Variants in DLG2 observed in about 807,000 individuals in gnomAD.
DLG2 encodes discs large MAGUK scaffold protein 2, also known as disks large homolog 2.
DLG2 carries 45 observed loss-of-function variants against 132.5 expected under a neutral mutation model. That is an observed-to-expected ratio of 0.34 (90% confidence interval 0.27 to 0.44). DLG2 has a LOEUF of 0.44. DLG2 is among the 20% of genes least tolerant of loss of function. The pLI is 1.00. For synonymous variants in DLG2, 424 were observed against 419.6 expected, an observed-to-expected ratio of 1.01 and a Z score of -0.13; for missense variants, 1,045 against 1,196.9, an observed-to-expected ratio of 0.87 and a Z score of 1.87.
At position 83,883,091 on chromosome 11, in the gene DLG2, T is replaced by C. The variant is rs116178616; in HGVS notation, c.1497-8603A>G. ...TTGATTTCTTAATTGCCCACAATTT[T>C]AACTTTAAACAAATTATCATTAGTA... On this transcript the variant is annotated intron_variant, in intron 15 of 27. Coordinates refer to ENST00000376104, the MANE Select transcript of DLG2 (RefSeq NM_001142699.3). Among the ~76,000 whole-genome samples, 1,224 of 152,354 alleles carry C rather than the reference T, an allele frequency of 8.0e-3. 9 individuals are homozygous for C. The highest frequency in any genetic ancestry group is 0.021 in the African/African-American group (879 of 41,572).
At chr11:83,831,508 CTGTG>C (rs753506616) in intron 17 of DLG2, among the ~76,000 whole-genome samples, 1 of 148,746 alleles carries the variant, frequency 6.7e-6, no homozygotes, top group Non-Finnish European at 1.5e-5. Context: ...TTCAGGTAAA[CTGTG>C]TGTGTGTGTG....
chr11:85,446,741 C>T (rs1215861131), intron 3 of DLG2, among the ~76,000 whole-genome samples: 3 of 151,306 alleles, frequency 2.0e-5, no homozygotes, highest in Admixed American at 6.6e-5. Context: ...ACTGGAGCTA[C>T]CTTAAAAGAA....
At chr11:84,531,266 C>T (rs2099339093) in intron 7 of DLG2, among the ~76,000 whole-genome samples, 1 of 152,100 alleles carries the variant, frequency 6.6e-6, no homozygotes, top group Admixed American at 6.5e-5. Context: ...CAGGTGGGAC[C>T]TAAACAATGA....
intron 6 of DLG2, among the ~76,000 whole-genome samples, chr11:85,016,378 T>C (rs1387003524): frequency 2.0e-5 from 3 of 152,154 alleles, no homozygotes; most frequent in African/African-American, 7.2e-5. Context: ...CACAGTGATA[T>C]CCATCACTTT....
chr11:84,656,383 C>T (rs2099688290), intron 6 of DLG2, among the ~76,000 whole-genome samples: 4 of 152,086 alleles, frequency 2.6e-5, no homozygotes, highest in Admixed American at 2.0e-4. Context: ...GCTAAAAAGG[C>T]TACTCAGTAT....
At chr11:85,266,557 A>G (rs2077224053) in intron 4 of DLG2, among the ~76,000 whole-genome samples, 1 of 152,088 alleles carries the variant, frequency 6.6e-6, no homozygotes, top group African/African-American at 2.4e-5. Flanking sequence ...ATGTATACCT[A>G]TATAACAATC....
At chr11:84,983,740 TA>T (rs1566574401) in intron 6 of DLG2, among the ~76,000 whole-genome samples, 1 of 152,082 alleles carries the variant, frequency 6.6e-6, no homozygotes, top group East Asian at 1.9e-4. Context: ...GGAAATTTTT[TA>T]AAAAATAATA....
intron 8 of DLG2, among the ~76,000 whole-genome samples, chr11:84,220,871 T>C (rs2096905268): frequency 8.1e-3 from 2 of 248 alleles, no homozygotes; most frequent in African/African-American, 0.038. Context: ...AGTTTTCACC[T>C]CCAGGCTCAA....
chr11:85,415,423 A>G (rs1394434620), intron 3 of DLG2, among the ~76,000 whole-genome samples: 1 of 152,184 alleles, frequency 6.6e-6, no homozygotes, highest in African/African-American at 2.4e-5. Context: ...TAGATCCTTG[A>G]GGAATTGCCA....
intron 2 of DLG2, among the ~76,000 whole-genome samples, chr11:85,606,731 C>T (rs138704843): frequency 0.04 from 6,159 of 152,184 alleles, 178 homozygotes; most frequent in East Asian, 0.088. Flanking sequence ...ACACTCACTG[C>T]GAAGGTCTGC....
At chr11:85,017,243 G>A (rs1592736295) in intron 6 of DLG2, among the ~76,000 whole-genome samples, 1 of 151,952 alleles carries the variant, frequency 6.6e-6, no homozygotes, top group Non-Finnish European at 1.5e-5. Context: ...GTTAGTTTAG[G>A]TGTTTTGGTT....
chr11:85,378,789 C>G (rs1320469057), intron 3 of DLG2, among the ~76,000 whole-genome samples: 1 of 152,044 alleles, frequency 6.6e-6, no homozygotes, highest in Non-Finnish European at 1.5e-5. Context: ...AAATGGCAAA[C>G]CAAATTACAA....
intron 11 of DLG2, among the ~76,000 whole-genome samples, chr11:84,005,018 C>A (rs188603346): frequency 1.2e-3 from 185 of 148,638 alleles, no homozygotes; most frequent in Non-Finnish European, 2.2e-3. Flanking sequence ...TCCCCCCAAC[C>A]AAAAAACCCC....
At chr11:84,040,684 G>C (rs957244293) in intron 11 of DLG2, among the ~76,000 whole-genome samples, 3 of 150,728 alleles carry the variant, frequency 2.0e-5, no homozygotes, top group East Asian at 3.9e-4. Flanking sequence ...TTTTGGCTTA[G>C]GATTGCCTTG....
intron 6 of DLG2, among the ~76,000 whole-genome samples, chr11:84,983,858 A>G (rs140153212): frequency 6.6e-6 from 1 of 152,198 alleles, no homozygotes; most frequent in South Asian, 2.1e-4. Context: ...AATGCTCTGG[A>G]AAGTCTCAGC....
intron 3 of DLG2, among the ~76,000 whole-genome samples, chr11:85,384,860 C>T (rs2086197863): frequency 1.3e-5 from 2 of 152,172 alleles, no homozygotes; most frequent in African/African-American, 2.4e-5. Context: ...GCGTGAGCCA[C>T]CCCACCTGAC....
At chr11:84,824,476 T>G (rs1443119162) in intron 6 of DLG2, among the ~76,000 whole-genome samples, 6 of 151,894 alleles carry the variant, frequency 4.0e-5, no homozygotes, top group Non-Finnish European at 8.8e-5. Context: ...TGGGCAGAAA[T>G]TTAGTAAGTG....
chr11:84,032,624 T>C (rs1474859455), intron 11 of DLG2, among the ~76,000 whole-genome samples: 3 of 152,204 alleles, frequency 2.0e-5, no homozygotes, highest in Non-Finnish European at 4.4e-5. Context: ...AAGATCTACC[T>C]AAGATCATTG....
chr11:84,860,825 G>C (rs2083507178), intron 6 of DLG2, among the ~76,000 whole-genome samples: 1 of 150,488 alleles, frequency 6.6e-6, no homozygotes, highest in Non-Finnish European at 1.5e-5. Flanking sequence ...CTGAAGACAA[G>C]AGAATTCCCA....
Sources: gnomAD v4.1 joint callset for allele counts (sites outside exome capture counted in the v4.1 genomes callset) on GRCh38, gnomAD v4.1.1 for gene constraint, MANE v1.5 for transcripts, NCBI Gene and HGNC (gene_info 2026-07-23, HGNC 2026-07-21) for gene names.